The following JMJD1C variants were observed in gnomAD, a reference collection of about 807,000 sequenced individuals.
JMJD1C encodes jumonji domain containing 1C, also known as jumonji domain-containing protein 1C.
In JMJD1C, 31 loss-of-function variants were observed where a neutral mutation model predicts 245.3. That is an observed-to-expected ratio of 0.13 (90% CI 0.09 to 0.17). The LOEUF (loss-of-function observed/expected upper bound fraction) is 0.17. Among genes scored for constraint, JMJD1C ranks in the 10% least tolerant of loss-of-function variants. The pLI, the probability that JMJD1C is intolerant of heterozygous loss-of-function variation, is 1.00. For missense variants in JMJD1C, 2,691 were observed against 3,000.2 expected, an observed-to-expected ratio of 0.90 and a Z score of 2.41; for synonymous variants, 1,057 against 1,017.4, an observed-to-expected ratio of 1.04 and a Z score of -0.74.
Position 63,243,310 on chromosome 10 carries a change from T to TGAGGTCGG in JMJD1C, c.447+21333_447+21340dup, listed in dbSNP as rs531129121. Among the ~76,000 whole-genome samples the TGAGGTCGG allele has an allele frequency of 4.3e-3, 652 of 151,912 alleles. 4 individuals carry two copies. The highest frequency in any genetic ancestry group is 0.01 in the South Asian group (49 of 4,822). ...GGGAGGCTGAGGTGGGAGTATCACC[T>TGAGGTCGG]GAGGTCGGGAGCTCGGGACCAGCCT... On this transcript the variant is annotated intron_variant, in intron 3 of 25. Coordinates refer to ENST00000399262, the MANE Select transcript of JMJD1C (RefSeq NM_032776.3).
At chr10:63,411,980 A>C (rs1472886912) in intron 1 of JMJD1C, among the ~76,000 whole-genome samples, 2 of 142,020 alleles carry the variant, frequency 1.4e-5, no homozygotes, top group African/African-American at 2.6e-5. Context: ...TGAACTCCTG[A>C]GAACTCCTGA....
intron 2 of JMJD1C, among the ~76,000 whole-genome samples, chr10:63,295,959 ATGTGTGTGTGTGTGTGTGTGTG>A (rs370590868): frequency 4.9e-4 from 44 of 89,830 alleles, no homozygotes; most frequent in Middle Eastern, 5.6e-3. Flanking sequence ...ATACACGTAT[ATGTGTGTGTGTGTGTGTGTGTG>A]TGTGTGTGTG....
intron 1 of JMJD1C, among the ~76,000 whole-genome samples, chr10:63,390,780 T>C (rs1947990406): frequency 6.6e-6 from 1 of 152,174 alleles, no homozygotes; most frequent in Non-Finnish European, 1.5e-5. Flanking sequence ...AAGAAGTATT[T>C]GATAAAATTC....
At chr10:63,183,367 G>A in intron 22 of JMJD1C, 80 bp downstream of exon 22, 1 of 1,285,154 alleles carries the variant, frequency 7.8e-7, no homozygotes, top group Non-Finnish European at 1.1e-6. Flanking sequence ...TGTTAACTCA[G>A]AAGCTGATAT....
At chr10:63,315,025 C>CT (rs1939780089) in intron 2 of JMJD1C, among the ~76,000 whole-genome samples, 1 of 147,362 alleles carries the variant, frequency 6.8e-6, no homozygotes, top group Admixed American at 6.9e-5. Context: ...ACGATCTTGG[C>CT]TCAGTGCAAC....
chr10:63,174,308 G>A (rs1842670073), intron 24 of JMJD1C, among the ~76,000 whole-genome samples: 1 of 152,068 alleles, frequency 6.6e-6, no homozygotes, highest in Admixed American at 6.5e-5. Context: ...GCTGGTGAAT[G>A]TACGGATTTA....
intron 1 of JMJD1C, among the ~76,000 whole-genome samples, chr10:63,513,899 C>T (rs1179108273): frequency 6.6e-6 from 1 of 151,810 alleles, no homozygotes; most frequent in African/African-American, 2.4e-5. Context: ...GGTGGCAGGG[C>T]AAGACTCTAG....
upstream of JMJD1C, chr10:63,466,694 G>T (rs577948799): frequency 6.6e-6 from 1 of 152,086 alleles, no homozygotes; most frequent in Non-Finnish European, 1.5e-5. Flanking sequence ...AAACACACTG[G>T]TCAGATAATA....
chr10:63,423,599 A>G (rs1950258110), intron 1 of JMJD1C, among the ~76,000 whole-genome samples: 1 of 152,186 alleles, frequency 6.6e-6, no homozygotes, highest in Non-Finnish European at 1.5e-5. Context: ...TCTATTTTGA[A>G]TAATGGTACT....
chr10:63,353,200 T>G (rs1248429007), intron 2 of JMJD1C, among the ~76,000 whole-genome samples: 1 of 152,186 alleles, frequency 6.6e-6, no homozygotes, highest in Non-Finnish European at 1.5e-5. Context: ...CTAGGAAAAC[T>G]TTCTAGGCAG....
chr10:63,205,157 A>G, intron 10 of JMJD1C: 1 of 375,826 alleles, frequency 2.7e-6, no homozygotes, highest in Admixed American at 6.4e-5. Flanking sequence ...AAGGATATAT[A>G]ATCAGTTGTG....
At chr10:63,464,046 T>TAAA (rs926063991) in intron 1 of JMJD1C, among the ~76,000 whole-genome samples, 1 of 152,096 alleles carries the variant, frequency 6.6e-6, no homozygotes, top group Non-Finnish European at 1.5e-5. Context: ...GGACTCTTAA[T>TAAA]AAGTCCTGGG....
chr10:63,184,789 G>C (rs773108531), intron 20 of JMJD1C, 51 bp from the exon 21 acceptor site: 38 of 1,513,488 alleles, frequency 2.5e-5, no homozygotes, highest in Admixed American at 4.0e-5. Context: ...GCATTGCTAA[G>C]TATTTTCACA....
intron 3 of JMJD1C, among the ~76,000 whole-genome samples, chr10:63,261,957 T>C (rs1465556346): frequency 6.6e-6 from 1 of 152,094 alleles, no homozygotes; most frequent in East Asian, 1.9e-4. Context: ...AAAAATAATA[T>C]ACACAAAGGC....
intron 2 of JMJD1C, among the ~76,000 whole-genome samples, chr10:63,348,380 T>C (rs1251427824): frequency 6.6e-6 from 1 of 152,086 alleles, no homozygotes; most frequent in Non-Finnish European, 1.5e-5. Context: ...TAAAACTGGC[T>C]CTCAGTTTAC....
At chr10:63,235,175 T>C (rs959548499) in intron 3 of JMJD1C, among the ~76,000 whole-genome samples, 2 of 152,200 alleles carry the variant, frequency 1.3e-5, no homozygotes, top group African/African-American at 4.8e-5. Flanking sequence ...CCTTATTCTA[T>C]AAGTATTTTG....
In JMJD1C at chr10:63,207,970, A is replaced by G. The variant is rs547928999; in HGVS notation, c.3699T>C (p.Thr1233=). The G allele has an allele frequency of 2.5e-6, 4 of 1,614,130 alleles. No individual in the cohort carries two copies. The East Asian group carries it at 6.7e-5, about 27-fold the overall frequency. ...SYSSLSPPTL[T]PVMPVNAGGK... ...CACCAGCATTTACTGGCATCACCGG[A>G]GTTAAAGTTGGAGGGGAAAGACTAC... Residue 1233 remains threonine (T), a synonymous_variant, in exon 10 of 26, where the codon ACT becomes ACC. Coordinates refer to ENST00000399262, the MANE Select transcript of JMJD1C (RefSeq NM_032776.3).
At chr10:63,400,602 G>A (rs995481714) in intron 1 of JMJD1C, among the ~76,000 whole-genome samples, 1 of 151,452 alleles carries the variant, frequency 6.6e-6, no homozygotes, top group African/African-American at 2.4e-5. Flanking sequence ...CTGCTCTGTC[G>A]CTCAAACTGG....
intron 3 of JMJD1C, among the ~76,000 whole-genome samples, chr10:63,239,667 A>G (rs7906995): frequency 0.01 from 1,550 of 152,246 alleles, 26 homozygotes; most frequent in African/African-American, 0.035. Flanking sequence ...GATGGTCTCA[A>G]ACTCTTGACC....
Sources: allele counts gnomAD v4.1 joint callset (sites outside exome capture counted in the v4.1 genomes callset), GRCh38; gene constraint gnomAD v4.1.1; transcripts MANE v1.5; gene names NCBI Gene and HGNC (gene_info 2026-07-23, HGNC 2026-07-21).